FERMT2: variants seen among roughly 807,000 people sequenced by gnomAD.
FERMT2 encodes the protein FERM domain containing kindlin 2.
In FERMT2, 15 loss-of-function variants were observed where a neutral mutation model predicts 82.7. That is an observed-to-expected ratio of 0.18 (90% confidence interval 0.12 to 0.28). FERMT2 has a LOEUF of 0.28. Ranked by LOEUF, FERMT2 falls within the 10% of genes least tolerant of loss-of-function variation. The pLI is 1.00. For synonymous variants in FERMT2, 274 were observed against 271.5 expected (o/e 1.01, Z -0.09); for missense variants, 645 against 809.4 (o/e 0.80, Z 2.46).
At chr14:52,949,521 G>A (rs1324352537) in intron 2 of FERMT2, among the ~76,000 whole-genome samples, 1 of 150,578 alleles carries the variant, frequency 6.6e-6, no homozygotes, top group African/African-American at 2.5e-5. Context: ...ATGTACAAAA[G>A]GCTCTTTAAA....
In FERMT2 at chr14:52,932,465, T is replaced by C. The variant is rs1176145177; in HGVS notation, c.158-13109A>G. Reference sequence around the variant, plus strand: ...TGCATGTCTTTCTCTGATTTAATAATGGCAACCACAGACAAACTCAAAGAG... The same window carrying C: ...TGCATGTCTTTCTCTGATTTAATAACGGCAACCACAGACAAACTCAAAGAG... On this transcript the variant is annotated intron_variant, in intron 2 of 14. Coordinates refer to ENST00000341590, the MANE Select transcript of FERMT2 (RefSeq NM_006832.3). Among the ~76,000 whole-genome samples, 5 of 152,324 alleles carry C rather than the reference T, an allele frequency of 3.3e-5. No individual in the cohort carries two copies. The East Asian group carries it at 9.6e-4, about 29-fold the overall frequency.
intron 10 of FERMT2, among the ~76,000 whole-genome samples, chr14:52,871,129 C>T (rs942536846): frequency 1.5e-4 from 23 of 152,190 alleles, no homozygotes; most frequent in African/African-American, 5.6e-4. Flanking sequence ...TTAGCTCCAG[C>T]GCCTAGTAAT....
At chr14:52,907,435 T>C (rs931249825) in intron 3 of FERMT2, among the ~76,000 whole-genome samples, 4 of 152,202 alleles carry the variant, frequency 2.6e-5, no homozygotes, top group Non-Finnish European at 5.9e-5. Flanking sequence ...GAAAGGATAC[T>C]TATAAAGAGC....
chr14:52,919,101 G>A, intron 3 of FERMT2, 22 bp downstream of exon 3: 2 of 1,522,174 alleles, frequency 1.3e-6, no homozygotes, highest in Non-Finnish European at 1.8e-6. Context: ...CGTATTTTAA[G>A]AAGAATTTAT....
At chr14:52,889,011 T>A (rs539574158) in intron 4 of FERMT2, among the ~76,000 whole-genome samples, 1 of 152,240 alleles carries the variant, frequency 6.6e-6, no homozygotes, top group East Asian at 1.9e-4. Context: ...GTGTGCACAG[T>A]GCAATGGTGA....
At chr14:52,909,924 G>A (rs1051593400) in intron 3 of FERMT2, among the ~76,000 whole-genome samples, 10 of 151,874 alleles carry the variant, frequency 6.6e-5, no homozygotes, top group East Asian at 1.9e-4. Flanking sequence ...GTGGTGGAGC[G>A]CACCTGTAGT....
intron 2 of FERMT2, among the ~76,000 whole-genome samples, chr14:52,947,220 C>A (rs1228610723): frequency 1.3e-5 from 2 of 152,190 alleles, no homozygotes; most frequent in African/African-American, 4.8e-5. Context: ...TGGCTCACGT[C>A]TGCAATCTCA....
chr14:52,947,091 C>T (rs78770602), intron 2 of FERMT2, among the ~76,000 whole-genome samples: 2,595 of 152,240 alleles, frequency 0.017, 65 homozygotes, highest in African/African-American at 0.058. Flanking sequence ...TGTCACATTA[C>T]GATATAATTC....
chr14:52,900,228 C>T (rs1455573423), intron 3 of FERMT2, among the ~76,000 whole-genome samples: 2 of 151,598 alleles, frequency 1.3e-5, no homozygotes, highest in Non-Finnish European at 3.0e-5. Context: ...CCTCCTGCCT[C>T]AGCCTCCCAA....
chr14:52,892,159 G>GGTTTTT (rs1555368978), intron 4 of FERMT2, among the ~76,000 whole-genome samples: 38 of 78,810 alleles, frequency 4.8e-4, no homozygotes, highest in African/African-American at 1.4e-3. Flanking sequence ...AGAGAAGGCT[G>GGTTTTT]TTTTTTGTTT....
At chr14:52,858,676 T>A (rs1353545049) in intron 14 of FERMT2, 126 bp from the exon 15 acceptor site, 1 of 825,134 alleles carries the variant, frequency 1.2e-6, no homozygotes, top group African/African-American at 1.7e-5. Context: ...ATGATCAGTC[T>A]GTCTAAAACC....
chr14:52,872,985 A>T (rs574653298), intron 9 of FERMT2, 62 bp from the exon 10 acceptor site: 1 of 1,512,396 alleles, frequency 6.6e-7, no homozygotes, highest in East Asian at 2.3e-5. Context: ...ACGCTGTATT[A>T]GCAAAGTTTC....
intron 2 of FERMT2, among the ~76,000 whole-genome samples, chr14:52,928,852 C>T (rs1374573714): frequency 6.6e-6 from 1 of 152,158 alleles, no homozygotes; most frequent in East Asian, 1.9e-4. Context: ...TTTGTGTTAA[C>T]ATGAAAAAGT....
At chr14:52,859,958 C>T (rs1188209603) in intron 13 of FERMT2, 2 of 285,706 alleles carry the variant, frequency 7.0e-6, no homozygotes, top group African/African-American at 2.2e-5. Context: ...GCTGGGACTA[C>T]AGGCGCCCAC....
intron 2 of FERMT2, among the ~76,000 whole-genome samples, chr14:52,933,611 G>A (rs1038595410): frequency 3.4e-5 from 5 of 147,262 alleles, no homozygotes; most frequent in African/African-American, 5.0e-5. Flanking sequence ...TTGGGAGGCT[G>A]AAGCAGGAGA....
At chr14:52,899,803 C>G (rs1415579553) in intron 3 of FERMT2, among the ~76,000 whole-genome samples, 2 of 152,166 alleles carry the variant, frequency 1.3e-5, no homozygotes, top group African/African-American at 4.8e-5. Flanking sequence ...GAATTTAGGA[C>G]TTACTGATTT....
chr14:52,899,305 C>T (rs932508587), intron 3 of FERMT2, among the ~76,000 whole-genome samples: 3 of 151,906 alleles, frequency 2.0e-5, no homozygotes, highest in South Asian at 2.1e-4. Context: ...TTTTTTGAGA[C>T]GGAGTCTTGC....
At chr14:52,932,370 T>C (rs1889631132) in intron 2 of FERMT2, among the ~76,000 whole-genome samples, 1 of 152,162 alleles carries the variant, frequency 6.6e-6, no homozygotes, top group South Asian at 2.1e-4. Context: ...GAAATAGGTA[T>C]TTAGGAGAAA....
At chr14:52,947,738 C>A (rs1297204176) in intron 2 of FERMT2, among the ~76,000 whole-genome samples, 1 of 152,138 alleles carries the variant, frequency 6.6e-6, no homozygotes, top group East Asian at 1.9e-4. Context: ...AAGGGCCAAA[C>A]CATAAAATTG....
Sources: allele counts gnomAD v4.1 joint callset (sites outside exome capture counted in the v4.1 genomes callset), GRCh38; gene constraint gnomAD v4.1.1; transcripts MANE v1.5; gene names NCBI Gene and HGNC (gene_info 2026-07-23, HGNC 2026-07-21).